Variants in SYT11 observed in about 807,000 individuals in gnomAD.
SYT11 encodes synaptotagmin 11, also known as synaptotagmin-11.
A neutral mutation model predicts 30.4 loss-of-function variants in SYT11; 12 were observed. The observed-to-expected ratio is 0.39, with a 90% CI of 0.25 to 0.64. The LOEUF (loss-of-function observed/expected upper bound fraction) is 0.64, where lower values mean the gene tolerates loss of function less well. Ranked by LOEUF, SYT11 falls within the 30% of genes least tolerant of loss-of-function variation. The probability of loss-of-function intolerance (pLI) is 0.45; values close to 1 mark genes in which losing one functional copy is unlikely to be tolerated. For synonymous variants in SYT11, 204 were observed against 216.0 expected (o/e 0.94, Z 0.49); for missense variants, 412 against 552.0 (o/e 0.75, Z 2.54).
Position 155,869,043 on chromosome 1 carries a change from T to G in SYT11, c.861+252T>G, listed in dbSNP as rs375586111. On this transcript the variant is annotated intron_variant, in intron 2 of 3. Transcript: ENST00000368324. Reference sequence around the variant, plus strand: ...CCATTTCACTTAGTGGTTGGCATCCTGATGCTGTCCAGCTTACTTGGAACA... The same window carrying G: ...CCATTTCACTTAGTGGTTGGCATCCGGATGCTGTCCAGCTTACTTGGAACA... Among the ~76,000 whole-genome samples, 3 of 152,308 alleles carry G rather than the reference T, an allele frequency of 2.0e-5. No homozygotes were observed. The East Asian group carries it at 5.8e-4, about 29-fold the overall frequency.
intron 1 of SYT11, 34 bp from the exon 2 acceptor site, chr1:155,867,931 C>A (rs756007212): frequency 1.3e-6 from 2 of 1,534,486 alleles, no homozygotes; most frequent in Non-Finnish European, 1.8e-6. Context: ...GTGAAGTCCA[C>A]CCGCCCTGAC....
intron 2 of SYT11, among the ~76,000 whole-genome samples, chr1:155,869,690 T>A (rs1672752239): frequency 6.6e-6 from 1 of 152,156 alleles, no homozygotes; most frequent in Admixed American, 6.6e-5. Flanking sequence ...CTGTCCTCCC[T>A]CTTTGTATTA....
At chr1:155,870,723 T>C (rs948794193) in intron 2 of SYT11, among the ~76,000 whole-genome samples, 2 of 152,056 alleles carry the variant, frequency 1.3e-5, no homozygotes, top group African/African-American at 4.8e-5. Flanking sequence ...TGAAGAAGGG[T>C]ACTGTGCCAA....
intron 2 of SYT11, among the ~76,000 whole-genome samples, chr1:155,876,565 T>A (rs148861161): frequency 6.6e-6 from 1 of 151,842 alleles, no homozygotes; most frequent in Non-Finnish European, 1.5e-5. Flanking sequence ...CTCCTTTTGT[T>A]TTCTTTATCC....
At chr1:155,880,173 C>T (rs1360994091) in intron 2 of SYT11, among the ~76,000 whole-genome samples, 1 of 152,064 alleles carries the variant, frequency 6.6e-6, no homozygotes, top group African/African-American at 2.4e-5. Context: ...ATCTGGGCAA[C>T]AGAGTGAGAA....
chr1:155,875,161 G>A (rs1403453970), intron 2 of SYT11, among the ~76,000 whole-genome samples: 1 of 134,492 alleles, frequency 7.4e-6, no homozygotes, highest in Non-Finnish European at 1.7e-5. Context: ...GCTGAGGCAG[G>A]AGAATTGCTT....
At chr1:155,872,106 A>G (rs1162343779) in intron 2 of SYT11, among the ~76,000 whole-genome samples, 1 of 152,126 alleles carries the variant, frequency 6.6e-6, no homozygotes, top group Non-Finnish European at 1.5e-5. Flanking sequence ...TAAAAAAATA[A>G]AAGAAAATAT....
chr1:155,880,516 G>A lies in SYT11; in HGVS notation c.878G>A (p.Gly293Glu). 2 of 1,613,934 alleles carry A rather than the reference G, an allele frequency of 1.2e-6. No homozygotes were observed. Among genetic ancestry groups the A allele is most frequent in the Non-Finnish European group, 1.7e-6 (2 of 1,179,902 alleles). Residue 293 changes from glycine (G) to glutamate (E), a missense_variant, in exon 3 of 4, where the codon GGG becomes GAG. By Grantham distance (98) the Gly-to-Glu change is moderately conservative. Coordinates refer to ENST00000368324, the MANE Select transcript of SYT11 (RefSeq NM_152280.5). ...KRNIQKCISR[G>E]ELQVSLSYQP... ...TCCTCACAGAAGTGCATCAGCAGAG[G>A]GGAGCTCCAGGTGTCTCTGTCATAT...
rs978584962 is a variant in SYT11, at chr1:155,882,585, A to AT, written c.*1081dup. The AT allele has an allele frequency of 2.4e-4, 36 of 152,386 alleles. No individual in the cohort carries two copies. Among genetic ancestry groups the AT allele is most frequent in the African/African-American group, 8.4e-4 (35 of 41,464 alleles). 9.4% of individuals were successfully genotyped at this position (152,386 alleles called of 1,614,324 possible). A position where few individuals can be genotyped will look rare whatever the true frequency, so the allele number is the denominator to read the frequency against. ...ATGCATCCAAGACATCAGAACTTGG[A>AT]TTTTATCAAACTTGATGACTTCTCT... is the stretch of plus-strand genomic sequence containing the variant. On this transcript the variant is annotated 3_prime_UTR_variant, in exon 4 of 4. Coordinates refer to ENST00000368324, the MANE Select transcript of SYT11 (RefSeq NM_152280.5).
At position 155,861,111 on chromosome 1, in the gene SYT11, C is replaced by G. The variant is rs1188944436; in HGVS notation, c.34+1316C>G. ...ATGAGCAGAATCCAGTGTGCTCTAT[C>G]CCCTCAGAATAAGGAAGAAGAAATC... On this transcript the variant is annotated intron_variant, in intron 1 of 3. Transcript: ENST00000368324. 2.6e-5 allele frequency among the ~76,000 whole-genome samples: 4 copies of G among 152,242 alleles called. No individual in the cohort carries two copies. The East Asian group carries it at 7.7e-4, about 29-fold the overall frequency.
intron 2 of SYT11, among the ~76,000 whole-genome samples, chr1:155,876,518 T>C (rs1012465178): frequency 3.9e-5 from 6 of 152,028 alleles, no homozygotes; most frequent in Non-Finnish European, 8.8e-5. Flanking sequence ...AGTGCTGTGA[T>C]TACAGGCGTG....
At chr1:155,862,939 A>G (rs760910925) in intron 1 of SYT11, among the ~76,000 whole-genome samples, 4 of 152,192 alleles carry the variant, frequency 2.6e-5, no homozygotes, top group East Asian at 1.9e-4. Context: ...CTGAACTCCT[A>G]TTAGAAGCAA....
chr1:155,866,560 A>C (rs1557946539), intron 1 of SYT11, among the ~76,000 whole-genome samples: 1 of 152,228 alleles, frequency 6.6e-6, no homozygotes, highest in Non-Finnish European at 1.5e-5. Context: ...ATAAATTGTA[A>C]AATAATATGC....
At chr1:155,875,674 TTACA>T (rs1157437080) in intron 2 of SYT11, among the ~76,000 whole-genome samples, 1 of 152,180 alleles carries the variant, frequency 6.6e-6, no homozygotes, top group Non-Finnish European at 1.5e-5. Context: ...AGTGTTAGCA[TTACA>T]GGCGTGAGCC....
chr1:155,878,719 T>A (rs1162475855), intron 2 of SYT11, among the ~76,000 whole-genome samples: 1 of 151,624 alleles, frequency 6.6e-6, no homozygotes, highest in African/African-American at 2.4e-5. Flanking sequence ...CAAAAAAAAT[T>A]AGCCGGGCGT....
At position 155,880,391 on chromosome 1, in the gene SYT11, T is replaced by C. The variant is rs371236473; in HGVS notation, c.862-109T>C. On this transcript the variant is annotated intron_variant, in intron 2 of 3. Coordinates refer to ENST00000368324, the MANE Select transcript of SYT11 (RefSeq NM_152280.5). ...GATGAGCATCTTTCCAAAAAACTTA[T>C]CATCCCTGCACTTGTCCTCCCCCAG... 6.7e-6 allele frequency: 9 copies of C among 1,341,002 alleles called. No individual in the cohort carries two copies. In the African/African-American group the frequency reaches 8.8e-5, roughly 13 times the overall value. 83.1% of individuals were successfully genotyped at this position (1,341,002 alleles called of 1,614,324 possible).
At chr1:155,861,604 G>C (rs928615012) in intron 1 of SYT11, among the ~76,000 whole-genome samples, 4 of 152,148 alleles carry the variant, frequency 2.6e-5, no homozygotes, top group Admixed American at 1.3e-4. Context: ...AATGACTAAA[G>C]GTAGCACTAG....
At position 155,867,326 on chromosome 1, in the gene SYT11, C is replaced by T. The variant is rs189873615; in HGVS notation, c.35-639C>T. Among the ~76,000 whole-genome samples, 172 of 152,180 alleles carry T rather than the reference C, an allele frequency of 1.1e-3. 1 individual carries two copies. Among genetic ancestry groups the T allele is most frequent in the African/African-American group, 3.8e-3 (159 of 41,530 alleles). ...CACCTGCCTCAGCCTCCCAAAGTGC[C>T]GGGATTACAGGTGTGAGCCACTGCA... On this transcript the variant is annotated intron_variant, in intron 1 of 3. Transcript: ENST00000368324.
At chr1:155,864,759 G>A (rs895645590) in intron 1 of SYT11, among the ~76,000 whole-genome samples, 3 of 135,328 alleles carry the variant, frequency 2.2e-5, no homozygotes, top group African/African-American at 8.4e-5. Flanking sequence ...CACCCAGAAT[G>A]GAGTGCAGTA....
Sources: gnomAD v4.1 joint callset for allele counts (sites outside exome capture counted in the v4.1 genomes callset) on GRCh38, gnomAD v4.1.1 for gene constraint, MANE v1.5 for transcripts, NCBI Gene and HGNC (gene_info 2026-07-23, HGNC 2026-07-21) for gene names.